The following CACNA1H variants were observed in gnomAD, a reference collection of about 807,000 sequenced individuals.
CACNA1H encodes calcium voltage-gated channel subunit alpha1 H.
A neutral mutation model predicts 192.5 loss-of-function variants in CACNA1H; 149 were observed. The ratio of observed to expected loss-of-function variants is 0.77; its 90% CI spans 0.68 to 0.89. The LOEUF is 0.89. CACNA1H is among the 40% of genes least tolerant of loss of function. CACNA1H has a pLI of 0.00. For synonymous variants in CACNA1H, 2,202 were observed against 1,475.2 expected (o/e 1.49, Z -11.29); for missense variants, 4,257 against 3,423.5 (o/e 1.24, Z -6.08).
chr16:1,210,350 A>ACCCCCCCCCCCCCCCCC lies in CACNA1H; in HGVS notation c.3846-17_3846-16insCCCCCCCCCCCCCCCCC. ...TCCACGCCGCCCCGCCCCACCTCTC[A>ACCCCCCCCCCCCCCCCC]CCCGCCCCCGCCCACCCAGGTTCCG... is the stretch of plus-strand genomic sequence containing the variant. On this transcript the variant is annotated intron_variant, in intron 18 of 34. Transcript: ENST00000348261. 3.2e-6 allele frequency: 1 copy of ACCCCCCCCCCCCCCCCC among 313,942 alleles called. No individual in the cohort carries two copies. The allele number at this position is 313,942 out of a possible 1,614,324, so 19.4% of individuals were successfully genotyped here.
intron 2 of CACNA1H, among the ~76,000 whole-genome samples, chr16:1,164,027 T>C (rs1307892972): frequency 6.6e-6 from 1 of 152,142 alleles, no homozygotes; most frequent in African/African-American, 2.4e-5. Context: ...TGCGGCCTGT[T>C]GGTGCTGCTG....
At chr16:1,198,895 C>G (rs1218058978) in intron 6 of CACNA1H, 121 bp downstream of exon 6, 4 of 860,490 alleles carry the variant, frequency 4.6e-6, no homozygotes, top group Middle Eastern at 6.7e-4. Flanking sequence ...ACCCGCCCCG[C>G]CACTGCTGTC....
intron 2 of CACNA1H, among the ~76,000 whole-genome samples, chr16:1,189,801 C>T (rs1043005252): frequency 1.3e-5 from 2 of 151,860 alleles, no homozygotes; most frequent in African/African-American, 2.4e-5. Context: ...CAGACAGGGC[C>T]CCACCACCGA....
rs886908058 is a variant in CACNA1H, at chr16:1,167,583, C to A, written c.299+13547C>A. 2.0e-5 allele frequency among the ~76,000 whole-genome samples: 3 copies of A among 152,224 alleles called. No homozygotes were observed. The highest frequency in any genetic ancestry group is 2.0e-4 in the Admixed American group (3 of 15,294). ...GCTGGAGCCACACTCCTCACCGCGG[C>A]GGTGCCACTAATGGGGTTGCCGTGG... On this transcript the variant is annotated intron_variant, in intron 2 of 34. Coordinates refer to ENST00000348261, the MANE Select transcript of CACNA1H (RefSeq NM_021098.3). This position sits in a 1 kb window ranked among gnomAD's most constrained non-coding sequence, Gnocchi z 4.2.
At position 1,194,816 on chromosome 16, in the gene CACNA1H, G is replaced by A. The variant is rs555400659; in HGVS notation, c.300-156G>A. 3.9e-5 allele frequency among the ~76,000 whole-genome samples: 6 copies of A among 152,290 alleles called. No individual in the cohort carries two copies. In the East Asian group the frequency reaches 9.7e-4, roughly 25 times the overall value. On this transcript the variant is annotated intron_variant, in intron 2 of 34. Coordinates refer to ENST00000348261, the MANE Select transcript of CACNA1H (RefSeq NM_021098.3). ...CGCCACCTGGTGGCTGCTTTCAGGAGGGGCGGCCGTCGGTCCCGAGTCCCC... is the reference window on the plus strand; with the variant it reads ...CGCCACCTGGTGGCTGCTTTCAGGAAGGGCGGCCGTCGGTCCCGAGTCCCC...
intron 2 of CACNA1H, among the ~76,000 whole-genome samples, chr16:1,177,182 C>T (rs1964972901): frequency 6.6e-6 from 1 of 152,182 alleles, no homozygotes; most frequent in Admixed American, 6.5e-5. Context: ...ACTCTCGGAC[C>T]CTTGGATTTC....
chr16:1,215,258 C>A lies in CACNA1H; in HGVS notation c.5056C>A (p.Leu1686Met). ...FFKDRWNQLDLAIVLLSLMGI... is the reference protein window; with the variant it reads ...FFKDRWNQLDMAIVLLSLMGI... ...GCCACACAGGTGGAACCAGCTGGAC[C>A]TGGCCATCGTGCTGCTGTCACTCAT... Residue 1686 changes from leucine to methionine, a missense_variant, in exon 29 of 35, where the codon CTG becomes ATG. By Grantham distance (15) the Leu-to-Met change is conservative. Coordinates refer to ENST00000348261, the MANE Select transcript of CACNA1H (RefSeq NM_021098.3). The A allele has an allele frequency of 1.2e-6, 2 of 1,605,304 alleles. No individual in the cohort carries two copies. Among genetic ancestry groups the A allele is most frequent in the Non-Finnish European group, 1.7e-6 (2 of 1,176,040 alleles).
Position 1,167,341 on chromosome 16 carries a change from C to T in CACNA1H, c.299+13305C>T, listed in dbSNP as rs563097713. Among the ~76,000 whole-genome samples the T allele has an allele frequency of 2.0e-5, 3 of 152,214 alleles. No homozygotes were observed. Among genetic ancestry groups the T allele is most frequent in the East Asian group, 1.9e-4 (1 of 5,158 alleles). On this transcript the variant is annotated intron_variant, in intron 2 of 34. Transcript: ENST00000348261. This position sits in a 1 kb window ranked among gnomAD's most constrained non-coding sequence, Gnocchi z 4.2. The stretch of plus-strand genomic sequence containing the variant: ...TGACACACGGGTGCGGGGGCGATAT[C>T]GGCGCGGAGCGGGCGGGGTGGCGCC...
chr16:1,175,761 C>G (rs895560802), intron 2 of CACNA1H, among the ~76,000 whole-genome samples: 2 of 152,146 alleles, frequency 1.3e-5, no homozygotes. Flanking sequence ...TAGGAGTGTT[C>G]CCAGGCTGGG....
At chr16:1,199,030 C>G (rs1307108122) in intron 6 of CACNA1H, 2 of 464,016 alleles carry the variant, frequency 4.3e-6, no homozygotes, top group African/African-American at 4.1e-5. Flanking sequence ...ATGCCCCACC[C>G]CCCACCATGG....
At chr16:1,188,580 C>A (rs1209967066) in intron 2 of CACNA1H, among the ~76,000 whole-genome samples, 2 of 152,242 alleles carry the variant, frequency 1.3e-5, no homozygotes, top group East Asian at 3.8e-4. Context: ...CCTTGCTGCC[C>A]CCCACACAAC....
chr16:1,185,673 G>A (rs1402290319), intron 2 of CACNA1H, among the ~76,000 whole-genome samples: 2 of 137,280 alleles, frequency 1.5e-5, no homozygotes, highest in Admixed American at 7.3e-5. Flanking sequence ...GGCCGGAGGC[G>A]GGGTGTGTAC....
At chr16:1,170,511 CG>C (rs1166651805) in intron 2 of CACNA1H, among the ~76,000 whole-genome samples, 1 of 152,180 alleles carries the variant, frequency 6.6e-6, no homozygotes, top group African/African-American at 2.4e-5. Flanking sequence ...AGACGTACCC[CG>C]ACACCGGCCT....
Position 1,202,397 on chromosome 16 carries a change from G to A in CACNA1H, c.1947G>A (p.Leu649=), listed in dbSNP as rs1231149558. 6.5e-7 allele frequency: 1 copy of A among 1,543,838 alleles called. No homozygotes were observed. ...CAGGCACCGGGGGGCACGGCCCGTT[G>A]AGCTTGAACAGCCCTGATCCCTACG... ...GPPGTGGHGP[L]SLNSPDPYEK... Residue 649 remains leucine, a synonymous_variant, in exon 9 of 35, where the codon TTG becomes TTA. Coordinates refer to ENST00000348261, the MANE Select transcript of CACNA1H (RefSeq NM_021098.3).
chr16:1,183,504 C>G (rs775825791), intron 2 of CACNA1H, among the ~76,000 whole-genome samples: 7 of 152,236 alleles, frequency 4.6e-5, no homozygotes, highest in Non-Finnish European at 8.8e-5. Flanking sequence ...AGCGCATCCC[C>G]GGCAACCCTG....
rs186841194 is a variant in CACNA1H at position 1,173,502 on chromosome 16, A to T, written c.299+19466A>T. Among the ~76,000 whole-genome samples the T allele has an allele frequency of 1.6e-4, 24 of 152,364 alleles. No homozygotes were observed. The South Asian group carries it at 1.9e-3, about 12-fold the overall frequency. On this transcript the variant is annotated intron_variant, in intron 2 of 34. Transcript: ENST00000348261. Reference sequence around the variant, plus strand: ...TTTAGTATTTAACATGAAAAATTTTAAAAAATTGTTTACTAACTTAACCAC... The same window carrying T: ...TTTAGTATTTAACATGAAAAATTTTTAAAAATTGTTTACTAACTTAACCAC...
chr16:1,212,990 C>A (rs555698007), intron 26 of CACNA1H, among the ~76,000 whole-genome samples: 4 of 152,210 alleles, frequency 2.6e-5, no homozygotes, highest in Admixed American at 2.6e-4. Flanking sequence ...GTTCTGTGGC[C>A]GAGGCAGGTC....
Position 1,153,150 on chromosome 16 carries a change from C to G in CACNA1H, c.-339C>G, listed in dbSNP as rs1315198687. ...CGCGCGCGGACGGGCTCGAGGCTCG[C>G]TCGCTGCCTCACCGGTCCCCGGCCC... On this transcript the variant is annotated 5_prime_UTR_variant, in exon 1 of 35. Transcript: ENST00000348261. The G allele has an allele frequency of 2.1e-5, 3 of 144,686 alleles. No homozygotes were observed. The highest frequency in any genetic ancestry group is 4.6e-5 in the Non-Finnish European group (3 of 64,966). 9.0% of individuals were successfully genotyped at this position (144,686 alleles called of 1,614,324 possible).
intron 2 of CACNA1H, among the ~76,000 whole-genome samples, chr16:1,179,440 T>C (rs1188498302): frequency 6.6e-6 from 1 of 152,172 alleles, no homozygotes; most frequent in Non-Finnish European, 1.5e-5. Context: ...GGCTGTTCCG[T>C]CCTCCTCATT....
Sources: allele counts gnomAD v4.1 joint callset (sites outside exome capture counted in the v4.1 genomes callset), GRCh38; gene constraint gnomAD v4.1.1; non-coding constraint Gnocchi (gnomAD v3.1); transcripts MANE v1.5; gene names NCBI Gene and HGNC (gene_info 2026-07-23, HGNC 2026-07-21).